The following TAOK3 variants were observed in gnomAD, a reference collection of about 807,000 sequenced individuals.
TAOK3 encodes TAO kinase 3, also known as serine/threonine-protein kinase TAO3.
Under a neutral mutation model 120.4 loss-of-function variants are expected in TAOK3, and 40 were observed. That is an observed-to-expected ratio of 0.33 (90% CI 0.26 to 0.43). The LOEUF is 0.43. Ranked by LOEUF, TAOK3 falls within the 20% of genes least tolerant of loss-of-function variation. The probability of loss-of-function intolerance (pLI) is 1.00; values close to 1 mark genes in which losing one functional copy is unlikely to be tolerated. For synonymous variants in TAOK3, 355 were observed against 387.5 expected, an observed-to-expected ratio of 0.92 and a Z score of 0.99; for missense variants, 821 against 1,112.1, an observed-to-expected ratio of 0.74 and a Z score of 3.72.
chr12:118,219,250 T>C (rs1023264525), intron 9 of TAOK3, among the ~76,000 whole-genome samples: 1 of 152,048 alleles, frequency 6.6e-6, no homozygotes, highest in Non-Finnish European at 1.5e-5. Context: ...TCTGGGTACA[T>C]CTTTTTGTGT....
intron 1 of TAOK3, among the ~76,000 whole-genome samples, chr12:118,280,442 T>C (rs554210649): frequency 2.0e-5 from 3 of 152,302 alleles, no homozygotes; most frequent in African/African-American, 7.2e-5. Flanking sequence ...TACTATTTAT[T>C]AAATAGGCAG....
intron 1 of TAOK3, among the ~76,000 whole-genome samples, chr12:118,322,488 T>G (rs2043753640): frequency 6.6e-6 from 1 of 152,010 alleles, no homozygotes; most frequent in African/African-American, 2.4e-5. Flanking sequence ...CAAACTTTTC[T>G]ATAAAGCTCC....
At chr12:118,174,029 G>A (rs2036171050) in intron 16 of TAOK3, among the ~76,000 whole-genome samples, 2 of 152,166 alleles carry the variant, frequency 1.3e-5, no homozygotes, top group African/African-American at 2.4e-5. Flanking sequence ...ATCACAAGAG[G>A]AAGCCTGGGT....
At chr12:118,247,900 A>T (rs550478241) in intron 3 of TAOK3, among the ~76,000 whole-genome samples, 2 of 152,318 alleles carry the variant, frequency 1.3e-5, no homozygotes, top group African/African-American at 2.4e-5. Context: ...TTACCTCTGC[A>T]TCAGTGCCAT....
At chr12:118,353,858 G>C (rs993007409) in intron 1 of TAOK3, among the ~76,000 whole-genome samples, 9 of 152,118 alleles carry the variant, frequency 5.9e-5, no homozygotes, top group Admixed American at 5.2e-4. Flanking sequence ...ATTCACAACG[G>C]CTAAACATTT....
chr12:118,271,232 C>T (rs1207855892), intron 1 of TAOK3, among the ~76,000 whole-genome samples: 1 of 152,172 alleles, frequency 6.6e-6, no homozygotes, highest in Non-Finnish European at 1.5e-5. Flanking sequence ...TAGTATTTAG[C>T]ATTTTAGATA....
chr12:118,168,588 T>C (rs191261469), intron 17 of TAOK3, among the ~76,000 whole-genome samples: 20 of 152,284 alleles, frequency 1.3e-4, no homozygotes, highest in Admixed American at 1.2e-3. Context: ...CTTTTGTAAA[T>C]AAAAAAGCTT....
At chr12:118,312,146 A>G (rs1004090641) in intron 1 of TAOK3, among the ~76,000 whole-genome samples, 1 of 152,200 alleles carries the variant, frequency 6.6e-6, no homozygotes, top group African/African-American at 2.4e-5. Flanking sequence ...TAAATCTATA[A>G]TTTTAAAAAA....
chr12:118,257,556 T>C (rs2041041873), intron 2 of TAOK3, among the ~76,000 whole-genome samples: 1 of 152,176 alleles, frequency 6.6e-6, no homozygotes, highest in Non-Finnish European at 1.5e-5. Flanking sequence ...GATCACAGGA[T>C]AGTTGGTGTT....
chr12:118,299,862 CTGACA>C (rs1383488776), intron 1 of TAOK3, among the ~76,000 whole-genome samples: 2 of 151,992 alleles, frequency 1.3e-5, no homozygotes, highest in East Asian at 3.9e-4. Context: ...ATCTTTCTGG[CTGACA>C]TCTAGGAAAA....
chr12:118,253,176 G>A (rs2040830006), intron 3 of TAOK3, among the ~76,000 whole-genome samples: 1 of 152,206 alleles, frequency 6.6e-6, no homozygotes, highest in Non-Finnish European at 1.5e-5. Context: ...ACAGTTTAGA[G>A]AAAATCCAGG....
intron 2 of TAOK3, among the ~76,000 whole-genome samples, chr12:118,259,968 C>CT (rs1302976951): frequency 6.6e-6 from 1 of 152,118 alleles, no homozygotes; most frequent in African/African-American, 2.4e-5. Context: ...ACTATAGTAC[C>CT]TATAGCTCAA....
chr12:118,234,790 C>T (rs944569062), intron 8 of TAOK3, among the ~76,000 whole-genome samples: 2 of 152,180 alleles, frequency 1.3e-5, no homozygotes, highest in African/African-American at 4.8e-5. Context: ...TCCAAAGATA[C>T]TAAAACCTAC....
chr12:118,330,293 G>A (rs2044088705), intron 1 of TAOK3, among the ~76,000 whole-genome samples: 1 of 152,208 alleles, frequency 6.6e-6, no homozygotes, highest in South Asian at 2.1e-4. Flanking sequence ...TTAGAACAGT[G>A]AGGTCTGATA....
intron 17 of TAOK3, among the ~76,000 whole-genome samples, chr12:118,168,895 T>C (rs1447698877): frequency 1.3e-5 from 2 of 152,220 alleles, no homozygotes; most frequent in East Asian, 3.8e-4. Context: ...TTAGCCTTTT[T>C]CATTTTGATT....
At position 118,189,862 on chromosome 12, in the gene TAOK3, T is replaced by C; in HGVS notation, c.1274A>G (p.Gln425Arg). Residue 425 changes from glutamine (Q) to arginine (R), a missense_variant, in exon 14 of 21, where the codon CAG becomes CGG. Physicochemically the swap from Gln to Arg is conservative, Grantham distance 43. This residue lies in a region of TAOK3 where 467 missense variants were observed against 540.0 expected (regional missense o/e 0.86). Coordinates refer to ENST00000392533, the MANE Select transcript of TAOK3 (RefSeq NM_016281.4). ...EPRPTQSVQS[Q>R]ALHYRNRERF... Reference sequence around the variant, plus strand: ...CTCTCTGTTCCGGTAGTGGAGGGCCTGGCTCTGAACTGACTGGGTAGGCCG... The same window carrying C: ...CTCTCTGTTCCGGTAGTGGAGGGCCCGGCTCTGAACTGACTGGGTAGGCCG... The C allele has an allele frequency of 6.2e-7, 1 of 1,614,220 alleles. No individual in the cohort carries two copies. The highest frequency in any genetic ancestry group is 8.5e-7 in the Non-Finnish European group (1 of 1,180,042).
intron 1 of TAOK3, among the ~76,000 whole-genome samples, chr12:118,325,830 C>A (rs529547106): frequency 6.6e-6 from 1 of 152,242 alleles, no homozygotes; most frequent in East Asian, 1.9e-4. Flanking sequence ...CAGGTGCCCA[C>A]CACCATGTCA....
At chr12:118,289,924 A>C (rs2042410152) in intron 1 of TAOK3, among the ~76,000 whole-genome samples, 1 of 151,390 alleles carries the variant, frequency 6.6e-6, no homozygotes, top group Non-Finnish European at 1.5e-5. Context: ...GAACCCGGGA[A>C]TGTAGGTTGC....
At chr12:118,236,831 A>G (rs910987132) in intron 7 of TAOK3, 1 of 152,224 alleles carries the variant, frequency 6.6e-6, no homozygotes, top group Non-Finnish European at 1.5e-5. Context: ...TTTAAATTAA[A>G]AAAACATTAT....
Sources: allele counts gnomAD v4.1 joint callset (sites outside exome capture counted in the v4.1 genomes callset), GRCh38; gene constraint gnomAD v4.1.1; regional missense constraint gnomAD v4.1.1; transcripts MANE v1.5; gene names NCBI Gene and HGNC (gene_info 2026-07-23, HGNC 2026-07-21).